The following SLC35D4 variants were observed in gnomAD, a reference collection of about 807,000 sequenced individuals.
SLC35D4 encodes the protein solute carrier family 35 member D4.
At chr18:23,433,962 T>C in the SLC35D4 span, among the ~76,000 whole-genome samples, 1 of 152,092 alleles carries the variant, frequency 6.6e-6, no homozygotes, top group Non-Finnish European at 1.5e-5. Context: ...CATAATAGAA[T>C]ATGCTCATAG....
the SLC35D4 span, among the ~76,000 whole-genome samples, chr18:23,401,051 T>C: frequency 6.6e-6 from 1 of 152,268 alleles, no homozygotes; most frequent in Non-Finnish European, 1.5e-5. Flanking sequence ...TTTTATATGT[T>C]TTAAATGTGT....
chr18:23,344,789 A>G, the SLC35D4 span, among the ~76,000 whole-genome samples: 1 of 151,736 alleles, frequency 6.6e-6, no homozygotes, highest in African/African-American at 2.4e-5. Flanking sequence ...TTTAATAGAG[A>G]CCAGGTTTCA....
the SLC35D4 span, chr18:23,352,349 C>CTACATTGGCTAATG: frequency 7.6e-7 from 1 of 1,320,352 alleles, no homozygotes. Flanking sequence ...CAATGGCTGA[C>CTACATTGGCTAATG]TAGTGTCTGC....
At chr18:23,304,572 GGAGA>G in the SLC35D4 span, among the ~76,000 whole-genome samples, 2 of 151,070 alleles carry the variant, frequency 1.3e-5, no homozygotes, top group Non-Finnish European at 2.9e-5. Context: ...AGAGAGAGAG[GGAGA>G]GAGAGACGCA....
the SLC35D4 span, among the ~76,000 whole-genome samples, chr18:23,324,776 A>G: frequency 4.6e-4 from 70 of 152,342 alleles, no homozygotes; most frequent in African/African-American, 1.7e-3. Flanking sequence ...GGGGAACAGC[A>G]TGAACGAGCC....
chr18:23,406,082 G>A, the SLC35D4 span, among the ~76,000 whole-genome samples: 24 of 152,222 alleles, frequency 1.6e-4, no homozygotes, highest in African/African-American at 5.8e-4. Flanking sequence ...CTGTACCTAA[G>A]GATTATTTTG....
At chr18:23,304,706 G>T in the SLC35D4 span, among the ~76,000 whole-genome samples, 2 of 152,058 alleles carry the variant, frequency 1.3e-5, no homozygotes, top group Admixed American at 1.3e-4. Flanking sequence ...CAGAGGAAGA[G>T]GGGGGAGGAA....
chr18:23,262,866 G>A, the SLC35D4 span, among the ~76,000 whole-genome samples: 6 of 152,312 alleles, frequency 3.9e-5, no homozygotes, highest in African/African-American at 1.2e-4. Flanking sequence ...AAAGAAGATG[G>A]GTGGGAATGA....
the SLC35D4 span, among the ~76,000 whole-genome samples, chr18:23,249,481 A>C: frequency 6.6e-6 from 1 of 152,208 alleles, no homozygotes; most frequent in African/African-American, 2.4e-5. Flanking sequence ...AAAACTTGTC[A>C]TGGTGCAGGT....
the SLC35D4 span, among the ~76,000 whole-genome samples, chr18:23,353,117 G>GTGTGTGTGTGTGTC: frequency 6.6e-6 from 1 of 151,238 alleles, no homozygotes; most frequent in Non-Finnish European, 1.5e-5. Flanking sequence ...GTGTGTGTGT[G>GTGTGTGTGTGTGTC]TGTGTATGTG....
At chr18:23,320,041 C>T in the SLC35D4 span, among the ~76,000 whole-genome samples, 8 of 147,474 alleles carry the variant, frequency 5.4e-5, no homozygotes, top group African/African-American at 2.0e-4. Context: ...GGGTTGATGG[C>T]AGTGAATAGT....
At chr18:23,298,951 T>G in the SLC35D4 span, among the ~76,000 whole-genome samples, 4 of 152,208 alleles carry the variant, frequency 2.6e-5, 1 homozygote, top group Admixed American at 2.0e-4. Context: ...CCTTGAACGT[T>G]TGGGGTGCTG....
At chr18:23,343,688 G>A in the SLC35D4 span, among the ~76,000 whole-genome samples, 1 of 152,146 alleles carries the variant, frequency 6.6e-6, no homozygotes, top group Non-Finnish European at 1.5e-5. Context: ...TACCCAACGA[G>A]TAGTTTTCCA....
chr18:23,421,474 C>G, the SLC35D4 span: 1 of 1,608,572 alleles, frequency 6.2e-7, no homozygotes, highest in South Asian at 1.1e-5. Context: ...ATGTGAATTT[C>G]ATAGAGTGCT....
At chr18:23,261,628 A>G in the SLC35D4 span, among the ~76,000 whole-genome samples, 1 of 152,214 alleles carries the variant, frequency 6.6e-6, no homozygotes, top group African/African-American at 2.4e-5. Flanking sequence ...GAAAAAAAAG[A>G]AAAAAGTACA....
chr18:23,275,593 AGTGCTGTGCTGTGCTGTGCTGTGCT>A, the SLC35D4 span, among the ~76,000 whole-genome samples: 911 of 140,688 alleles, frequency 6.5e-3, 5 homozygotes, highest in Non-Finnish European at 7.7e-3. Flanking sequence ...GGTCAGAAAG[AGTGCTGTGCTGTGCTGTGCTGTGCT>A]GTGCTGTGCT....
chr18:23,341,508 G>A, the SLC35D4 span, among the ~76,000 whole-genome samples: 1 of 152,290 alleles, frequency 6.6e-6, no homozygotes, highest in South Asian at 2.1e-4. Context: ...GTATTTTTTA[G>A]TCTTCACATA....
the SLC35D4 span, among the ~76,000 whole-genome samples, chr18:23,276,432 G>GTTTTT: frequency 7.2e-6 from 1 of 138,860 alleles, no homozygotes. Flanking sequence ...CCAGAATTTT[G>GTTTTT]TTTTTTTTTT....
the SLC35D4 span, among the ~76,000 whole-genome samples, chr18:23,303,998 T>C: frequency 5.9e-5 from 9 of 151,350 alleles, no homozygotes; most frequent in Non-Finnish European, 1.2e-4. Context: ...GGAGGACTGC[T>C]TGAGGCCAGG....
Sources: gnomAD v4.1 joint callset for allele counts (sites outside exome capture counted in the v4.1 genomes callset) on GRCh38, gnomAD v4.1.1 for gene constraint, MANE v1.5 for transcripts, NCBI Gene and HGNC (gene_info 2026-07-23, HGNC 2026-07-21) for gene names.